Variants in MPP2 observed in about 807,000 individuals in gnomAD.
MPP2 encodes the protein MAGUK p55 subfamily member 2.
In MPP2, 42 loss-of-function variants were observed where a neutral mutation model predicts 58.5. The ratio of observed to expected loss-of-function variants is 0.72; its 90% confidence interval spans 0.56 to 0.93. MPP2 has a LOEUF of 0.93. MPP2 is among the 40% of genes least tolerant of loss of function. The pLI is 0.00. For synonymous variants in MPP2, 300 were observed against 307.8 expected (o/e 0.97, Z 0.26); for missense variants, 632 against 760.4 (o/e 0.83, Z 1.99).
chr17:43,906,157 G>C, intron 1 of MPP2: 15 of 983,376 alleles, frequency 1.5e-5, no homozygotes, highest in Non-Finnish European at 1.8e-5. Flanking sequence ...CTTCCCTAGA[G>C]CGTGGAGGGC....
rs868650910 is a variant in MPP2 at position 43,881,572 on chromosome 17, G to T, written c.699C>A (p.His233Gln). The T allele has an allele frequency of 1.9e-6, 3 of 1,613,868 alleles. No individual in the cohort carries two copies. In the Admixed American group the frequency reaches 5.0e-5, roughly 27 times the overall value. The change falls in exon 7 of 13, where the codon CAC (histidine) becomes CAA (glutamine). Residue 233 changes from histidine (H) to glutamine (Q), a missense_variant. Physicochemically the swap from His to Gln is conservative, Grantham distance 24. Coordinates refer to ENST00000269095, the MANE Select transcript of MPP2 (RefSeq NM_005374.5). Reference sequence around the variant, plus strand: ...TGTCTCGGGCCGGGTCATAGTCAAAGTGACATTTCACAAATACCTGGGCCC... The same window carrying T: ...TGTCTCGGGCCGGGTCATAGTCAAATTGACATTTCACAAATACCTGGGCCC... The part of the protein sequence containing the change: ...HLPRQVFVKC[H>Q]FDYDPARDSL...
chr17:43,884,155 C>T (rs2047267273), intron 3 of MPP2: 2 of 702,510 alleles, frequency 2.8e-6, no homozygotes, highest in African/African-American at 1.7e-5. Context: ...ACCATTATCA[C>T]CTGCAAGAAA....
Position 43,877,824 on chromosome 17 carries a change from C to G in MPP2, c.1642G>C (p.Val548Leu), listed in dbSNP as rs140506773. 3.1e-6 allele frequency: 5 copies of G among 1,613,824 alleles called. No individual in the cohort carries two copies. Among genetic ancestry groups the G allele is most frequent in the Non-Finnish European group, 4.2e-6 (5 of 1,179,794 alleles). ...KLRTEPQWVP[V>L]SWVY ...GAACAGGCTCAGTACACCCAGCTGA[C>G]AGGCACCCACTGGGGCTCTGTCCGT... Residue 548 changes from valine (V) to leucine (L), a missense_variant, in exon 13 of 13, where the codon GTC (valine) becomes CTC (leucine). By Grantham distance (32) the Val-to-Leu change is conservative (BLOSUM62 1). Coordinates refer to ENST00000269095, the MANE Select transcript of MPP2 (RefSeq NM_005374.5).
At chr17:43,883,151 C>A (rs1401860959) in intron 4 of MPP2, 52 bp downstream of exon 4, 41 of 1,560,288 alleles carry the variant, frequency 2.6e-5, no homozygotes, top group Non-Finnish European at 3.6e-5. Context: ...CAGCAGCATG[C>A]CCCAGTCCAC....
rs750790754 is a variant in MPP2, at chr17:43,882,398, G to C, written c.567C>G (p.Asn189Lys). 65 of 1,611,538 alleles carry C rather than the reference G, an allele frequency of 4.0e-5. 1 individual carries two copies. The highest frequency in any genetic ancestry group is 9.3e-5 in the African/African-American group (7 of 74,910). The change falls in exon 6 of 13, where the codon AAC becomes AAG. Residue 189 changes from asparagine to lysine, a missense_variant. Transcript: ENST00000269095. Reference sequence around the variant, plus strand: ...GGGGGTCACTGCCCACTGGCTGCCCGTTCACCTCCTTGATGATGTCACCCA... The same window carrying C: ...GGGGGTCACTGCCCACTGGCTGCCCCTTCACCTCCTTGATGATGTCACCCA... ...LHVGDIIKEVNGQPVGSDPRA... is the reference protein window; with the variant it reads ...LHVGDIIKEVKGQPVGSDPRA...
chr17:43,894,418 A>AATATATAT lies in MPP2; in HGVS notation c.150+3836_150+3843dup, dbSNP rs1382579250. ...GTGACAGAGTGAGATTCCATCTCAA[A>AATATATAT]ATATATATATATATATATATATATA... On this transcript the variant is annotated intron_variant, in intron 3 of 12. Transcript: ENST00000269095. 4.8e-3 allele frequency among the ~76,000 whole-genome samples: 369 copies of AATATATAT among 77,188 alleles called. 2 individuals are homozygous for AATATATAT. Among genetic ancestry groups the AATATATAT allele is most frequent in the Admixed American group, 0.022 (125 of 5,638 alleles). The allele number at this position is 77,188 out of a possible 152,430, so 50.6% of individuals were successfully genotyped here. A position where few individuals can be genotyped will look rare whatever the true frequency, so the allele number is the denominator to read the frequency against.
At chr17:43,902,316 C>G (rs1323659589) in intron 2 of MPP2, among the ~76,000 whole-genome samples, 4 of 152,140 alleles carry the variant, frequency 2.6e-5, no homozygotes, top group Non-Finnish European at 5.9e-5. Flanking sequence ...AAGTGGTCTG[C>G]AACAACGAAG....
Position 43,907,496 on chromosome 17 carries a change from C to T in MPP2, c.-56G>A. ...TACCTGCGCCCCGGGAAGCCCCTAG[C>T]TCCGGGCGGCTCCAGCGCAGCCGGG... On this transcript the variant is annotated 5_prime_UTR_variant, in exon 1 of 13. Coordinates refer to ENST00000269095, the MANE Select transcript of MPP2 (RefSeq NM_005374.5). 1 of 985,520 alleles carries T rather than the reference C, an allele frequency of 1.0e-6. No homozygotes were observed. Among genetic ancestry groups the T allele is most frequent in the Non-Finnish European group, 1.2e-6 (1 of 829,962 alleles). 61.0% of individuals were successfully genotyped at this position (985,520 alleles called of 1,614,324 possible). A position where few individuals can be genotyped will look rare whatever the true frequency, so the allele number is the denominator to read the frequency against.
At chr17:43,899,781 GCCC>G (rs892258698) in intron 2 of MPP2, among the ~76,000 whole-genome samples, 9 of 152,206 alleles carry the variant, frequency 5.9e-5, no homozygotes, top group Non-Finnish European at 1.3e-4. Flanking sequence ...CCGCAACAAT[GCCC>G]CCGAGACCTG....
At chr17:43,884,294 T>C (rs1383319760) in intron 3 of MPP2, 3 of 582,224 alleles carry the variant, frequency 5.2e-6, no homozygotes, top group African/African-American at 3.7e-5. Flanking sequence ...TATGTTGTAG[T>C]TGGTTGACAT....
chr17:43,908,945 C>A (rs138395054), upstream of MPP2, among the ~76,000 whole-genome samples: 1 of 152,286 alleles, frequency 6.6e-6, no homozygotes, highest in African/African-American at 2.4e-5. Flanking sequence ...AGCCATCGAA[C>A]CCAGATAGCT....
intron 3 of MPP2, chr17:43,884,074 G>A (rs1161862022): frequency 1.4e-6 from 1 of 702,138 alleles, no homozygotes; most frequent in Non-Finnish European, 2.6e-6. Flanking sequence ...GACAACACAA[G>A]CCACTTTACC....
chr17:43,877,596 C>A lies in MPP2; in HGVS notation c.*211G>T. 2 of 587,630 alleles carry A rather than the reference C, an allele frequency of 3.4e-6. No individual in the cohort carries two copies. Among genetic ancestry groups the A allele is most frequent in the Non-Finnish European group, 6.1e-6 (2 of 327,968 alleles). The allele number at this position is 587,630 out of a possible 1,614,324, so 36.4% of individuals were successfully genotyped here. ...ACCAATGGGCATCAGGAGTGGGCAG[C>A]ACCTGGGCACAAGGTACCCCATGAA... On this transcript the variant is annotated 3_prime_UTR_variant, in exon 13 of 13. Coordinates refer to ENST00000269095, the MANE Select transcript of MPP2 (RefSeq NM_005374.5).
rs1381205672 is a variant in MPP2, at chr17:43,875,624, G to A, written c.*2183C>T. The A allele has an allele frequency of 6.6e-6, 1 of 151,428 alleles. No individual in the cohort carries two copies. Among genetic ancestry groups the A allele is most frequent in the Non-Finnish European group, 1.5e-5 (1 of 68,118 alleles). The allele number at this position is 151,428 out of a possible 1,614,324, so 9.4% of individuals were successfully genotyped here. A position where few individuals can be genotyped will look rare whatever the true frequency, so the allele number is the denominator to read the frequency against. ...CCAGCCCTGTTCCAGGTGAGCCAAG[G>A]ACTGACAGCCTCTGCTAGGTACCTG... On this transcript the variant is annotated 3_prime_UTR_variant, in exon 13 of 13. Coordinates refer to ENST00000269095, the MANE Select transcript of MPP2 (RefSeq NM_005374.5).
chr17:43,881,395 T>C (rs1285813509), intron 7 of MPP2, 46 bp from the exon 8 acceptor site: 4 of 1,613,816 alleles, frequency 2.5e-6, no homozygotes, highest in Admixed American at 3.3e-5. Context: ...AGAGGACCCC[T>C]CCCTGTGCCC....
At position 43,880,021 on chromosome 17, in the gene MPP2, G is replaced by A. The variant is rs1343478430; in HGVS notation, c.1151-37C>T. ...GGGGTAGGTTGGACCAAATGGGCAG[G>A]GGCAGGTTACAGTGCCTCAGACACA... is the stretch of plus-strand genomic sequence containing the variant. On this transcript the variant is annotated intron_variant, in intron 10 of 12. Transcript: ENST00000269095. This position sits in a 1 kb window ranked among gnomAD's most constrained non-coding sequence, Gnocchi z 5.2. The A allele has an allele frequency of 1.9e-6, 3 of 1,606,732 alleles. No homozygotes were observed. Among genetic ancestry groups the A allele is most frequent in the East Asian group, 4.5e-5 (2 of 44,818 alleles).
chr17:43,904,088 C>T (rs1368524757), intron 2 of MPP2, among the ~76,000 whole-genome samples: 1 of 152,184 alleles, frequency 6.6e-6, no homozygotes, highest in Non-Finnish European at 1.5e-5. Context: ...GGCCCAGCTC[C>T]GGGGCCACCT....
At position 43,880,659 on chromosome 17, in the gene MPP2, C is replaced by A; in HGVS notation, c.1150+32G>T. 6.4e-7 allele frequency: 1 copy of A among 1,572,008 alleles called. No individual in the cohort carries two copies. The highest frequency in any genetic ancestry group is 8.7e-7 in the Non-Finnish European group (1 of 1,154,688). ...GCCCCAGGGGAGCCCTGCTCCTTGT[C>A]CCCAACTCAGCAGGGCCCAGCTCCC... On this transcript the variant is annotated intron_variant, in intron 10 of 12. Coordinates refer to ENST00000269095, the MANE Select transcript of MPP2 (RefSeq NM_005374.5). This position sits in a 1 kb window ranked among gnomAD's most constrained non-coding sequence, Gnocchi z 5.2.
At chr17:43,883,124 C>G in intron 4 of MPP2, 72 bp from the exon 5 acceptor site, 1 of 1,555,608 alleles carries the variant, frequency 6.4e-7, no homozygotes, top group Non-Finnish European at 8.7e-7. Flanking sequence ...GATCCAACTT[C>G]CTGCTGGCCC....
Sources: gnomAD v4.1 joint callset for allele counts (sites outside exome capture counted in the v4.1 genomes callset) on GRCh38, gnomAD v4.1.1 for gene constraint, Gnocchi (gnomAD v3.1) non-coding constraint, MANE v1.5 for transcripts, NCBI Gene and HGNC (gene_info 2026-07-23, HGNC 2026-07-21) for gene names.